Variants in TLCD4 observed in about 807,000 individuals in gnomAD.
TLCD4 encodes TLC domain containing 4, also known as TLC domain-containing protein 4.
Under a neutral mutation model 24.2 loss-of-function variants are expected in TLCD4, and 7 were observed. The ratio of observed to expected loss-of-function variants is 0.29; its 90% CI spans 0.16 to 0.54. The LOEUF is 0.54. TLCD4 is among the 20% of genes least tolerant of loss of function. TLCD4 has a pLI of 0.95. For synonymous variants in TLCD4, 103 were observed against 106.4 expected (o/e 0.97, Z 0.20); for missense variants, 259 against 313.9 (o/e 0.82, Z 1.32).
intron 1 of TLCD4, among the ~76,000 whole-genome samples, chr1:95,125,991 A>AAAAAAAATT (rs1676722879): frequency 2.6e-3 from 1 of 392 alleles, no homozygotes; most frequent in Non-Finnish European, 0.019. Context: ...ATCTCTATTA[A>AAAAAAAATT]AAAAAAAAAA....
intron 1 of TLCD4, among the ~76,000 whole-genome samples, chr1:95,127,066 C>T (rs960456643): frequency 1.3e-5 from 2 of 152,204 alleles, no homozygotes; most frequent in Admixed American, 6.5e-5. Flanking sequence ...ACTATCTTGC[C>T]ATTAGGCATT....
Position 95,121,372 on chromosome 1 carries a change from G to T in TLCD4, c.-12+3755G>T, listed in dbSNP as rs942446167. ...ACACCTCCCCTCACAATTTTGAGAA[G>T]TTGGAGCAGAAGCAGCGGATGGAAT... On this transcript the variant is annotated intron_variant, in intron 1 of 6. Coordinates refer to ENST00000370203, the MANE Select transcript of TLCD4 (RefSeq NM_152487.3). Among the ~76,000 whole-genome samples, 7 of 152,222 alleles carry T rather than the reference G, an allele frequency of 4.6e-5. 1 individual carries two copies. In the East Asian group the frequency reaches 7.7e-4, roughly 17 times the overall value.
At chr1:95,100,946 T>C in the TLCD4 span, among the ~76,000 whole-genome samples, 1 of 151,866 alleles carries the variant, frequency 6.6e-6, no homozygotes, top group Middle Eastern at 3.4e-3. Flanking sequence ...TCTTGCTCTT[T>C]GCCCAGGCTA....
At chr1:95,159,316 G>A (rs890943971) in intron 5 of TLCD4, among the ~76,000 whole-genome samples, 13 of 152,218 alleles carry the variant, frequency 8.5e-5, no homozygotes, top group African/African-American at 3.1e-4. Context: ...CTTTTGAGAA[G>A]TATCTGTTCA....
intron 6 of TLCD4, among the ~76,000 whole-genome samples, chr1:95,181,968 C>T (rs1179843570): frequency 6.6e-6 from 1 of 152,112 alleles, no homozygotes; most frequent in African/African-American, 2.4e-5. Context: ...ATGTCTTGGT[C>T]ATTGGGAAAA....
At chr1:95,171,085 G>A (rs546916351) in intron 5 of TLCD4, among the ~76,000 whole-genome samples, 22 of 151,874 alleles carry the variant, frequency 1.4e-4, no homozygotes, top group Middle Eastern at 6.8e-3. Flanking sequence ...ATGTGATTTC[G>A]AATATGTATT....
In TLCD4 at chr1:95,193,620, A is replaced by G. The variant is rs998686135; in HGVS notation, c.*1752A>G. ...TGCTTTTATTATTCAATGCAGATAG[A>G]GCCTGATAAGTTTTAGAACATTTAA... On this transcript the variant is annotated 3_prime_UTR_variant, in exon 7 of 7. Transcript: ENST00000370203. 1 of 152,134 alleles carries G rather than the reference A, an allele frequency of 6.6e-6. No individual in the cohort carries two copies. The highest frequency in any genetic ancestry group is 1.5e-5 in the Non-Finnish European group (1 of 67,956). The allele number at this position is 152,134 out of a possible 1,614,324, so 9.4% of individuals were successfully genotyped here. A position where few individuals can be genotyped will look rare whatever the true frequency, so the allele number is the denominator to read the frequency against.
At chr1:95,105,571 A>G in the TLCD4 span, among the ~76,000 whole-genome samples, 1 of 152,140 alleles carries the variant, frequency 6.6e-6, no homozygotes, top group South Asian at 2.1e-4. Flanking sequence ...ATTTATTTTT[A>G]TTGGTGGCAG....
intron 5 of TLCD4, among the ~76,000 whole-genome samples, chr1:95,160,849 A>G (rs909708669): frequency 2.0e-5 from 3 of 152,202 alleles, no homozygotes; most frequent in Non-Finnish European, 2.9e-5. Context: ...CCACTGATGA[A>G]GCCAACTTGA....
chr1:95,101,143 G>A, the TLCD4 span, among the ~76,000 whole-genome samples: 763 of 152,088 alleles, frequency 5.0e-3, 6 homozygotes, highest in African/African-American at 0.017. Context: ...TTCTGACCTC[G>A]TGATCCACCC....
the TLCD4 span, among the ~76,000 whole-genome samples, chr1:95,096,485 G>T: frequency 6.6e-6 from 1 of 152,168 alleles, no homozygotes; most frequent in Non-Finnish European, 1.5e-5. Flanking sequence ...GGAAGGGACA[G>T]TAAGAACTTT....
intron 6 of TLCD4, among the ~76,000 whole-genome samples, chr1:95,179,930 C>T (rs1484755482): frequency 6.6e-6 from 1 of 152,242 alleles, no homozygotes; most frequent in African/African-American, 2.4e-5. Context: ...TTGGGTGCCT[C>T]TTACATATCC....
At chr1:95,145,758 G>A (rs972163765) in intron 2 of TLCD4, among the ~76,000 whole-genome samples, 1 of 152,134 alleles carries the variant, frequency 6.6e-6, no homozygotes, top group African/African-American at 2.4e-5. Context: ...AGGGTACAGA[G>A]AGATGGAAGC....
intron 1 of TLCD4, among the ~76,000 whole-genome samples, chr1:95,122,843 T>A (rs559993434): frequency 1.3e-5 from 2 of 152,180 alleles, no homozygotes; most frequent in Non-Finnish European, 2.9e-5. Context: ...GCTGAAAAAA[T>A]CTTTGAAAAA....
chr1:95,164,302 G>T (rs12021650), intron 5 of TLCD4: 7,526 of 152,556 alleles, frequency 0.049, 324 homozygotes, highest in East Asian at 0.2. Flanking sequence ...CTCTGAGCCA[G>T]GCGCGGGATA....
rs531194966 is a variant in TLCD4 at position 95,154,518 on chromosome 1, G to A, written c.399+3099G>A. Among the ~76,000 whole-genome samples the A allele has an allele frequency of 1.1e-4, 17 of 152,200 alleles. No individual in the cohort carries two copies. The East Asian group carries it at 3.3e-3, about 29-fold the overall frequency. On this transcript the variant is annotated intron_variant, in intron 5 of 6. Coordinates refer to ENST00000370203, the MANE Select transcript of TLCD4 (RefSeq NM_152487.3). ...AGAAGGTCATGTAGGCACACAGCAA[G>A]GAAATAAATAACTGGGTTGCCAGTG...
At chr1:95,157,921 C>T (rs1020595658) in intron 5 of TLCD4, among the ~76,000 whole-genome samples, 117 of 152,206 alleles carry the variant, frequency 7.7e-4, no homozygotes, top group African/African-American at 2.7e-3. Context: ...CCTCTTGATA[C>T]GAGGAACATT....
the TLCD4 span, among the ~76,000 whole-genome samples, chr1:95,093,317 G>A: frequency 7.0e-3 from 1,066 of 152,324 alleles, 15 homozygotes; most frequent in African/African-American, 0.024. Flanking sequence ...ACTACTGATT[G>A]TGTCAGGTTT....
chr1:95,128,124 G>A (rs1676790317), intron 1 of TLCD4, among the ~76,000 whole-genome samples: 1 of 152,140 alleles, frequency 6.6e-6, no homozygotes, highest in South Asian at 2.1e-4. Context: ...TGAGATGCTA[G>A]GGAGCAACAT....
Sources: allele counts gnomAD v4.1 joint callset (sites outside exome capture counted in the v4.1 genomes callset), GRCh38; gene constraint gnomAD v4.1.1; transcripts MANE v1.5; gene names NCBI Gene and HGNC (gene_info 2026-07-23, HGNC 2026-07-21).